The following HMBOX1 variants were observed in gnomAD, a reference collection of about 807,000 sequenced individuals.
HMBOX1 encodes the protein homeobox containing 1.
HMBOX1 carries 14 observed loss-of-function variants against 54.5 expected under a neutral mutation model. The observed-to-expected ratio is 0.26, with a 90% CI of 0.17 to 0.40. The LOEUF (loss-of-function observed/expected upper bound fraction) is 0.40. Among genes scored for constraint, HMBOX1 ranks in the 10% least tolerant of loss-of-function variants. The probability of loss-of-function intolerance (pLI) is 1.00; values close to 1 mark genes in which losing one functional copy is unlikely to be tolerated. For synonymous variants in HMBOX1, 160 were observed against 181.0 expected, an observed-to-expected ratio of 0.88 and a Z score of 0.93; for missense variants, 332 against 514.4, an observed-to-expected ratio of 0.65 and a Z score of 3.43.
chr8:28,939,409 C>T (rs1472130235), intron 1 of HMBOX1, among the ~76,000 whole-genome samples: 2 of 152,182 alleles, frequency 1.3e-5, no homozygotes, highest in Non-Finnish European at 2.9e-5. Context: ...TTTTCAGTCA[C>T]CCTCTAGTCC....
chr8:28,974,107 C>T (rs1161643043), intron 3 of HMBOX1, among the ~76,000 whole-genome samples: 1 of 152,058 alleles, frequency 6.6e-6, no homozygotes, highest in Non-Finnish European at 1.5e-5. Context: ...AGCCACTGTG[C>T]CCAGCTCATA....
At chr8:29,013,850 T>G (rs1172262836) in intron 5 of HMBOX1, among the ~76,000 whole-genome samples, 1 of 152,226 alleles carries the variant, frequency 6.6e-6, no homozygotes, top group Non-Finnish European at 1.5e-5. Flanking sequence ...AGACAGGGTT[T>G]GCTGAGTTCC....
In HMBOX1 at chr8:28,970,426, G is replaced by T. The variant is rs771420296; in HGVS notation, c.407G>T (p.Arg136Leu). Reference protein sequence around the residue: ...STSNGKMSPTRYHANSMGQRS... With the variant: ...STSNGKMSPTLYHANSMGQRS... Reference sequence around the variant, plus strand: ...TCCAATGGAAAGATGTCACCAACTCGCTACCATGCAAACAGCATGGGTCAG... The same window carrying T: ...TCCAATGGAAAGATGTCACCAACTCTCTACCATGCAAACAGCATGGGTCAG... The change falls in exon 3 of 10, where the codon CGC (arginine) becomes CTC (leucine). Residue 136 changes from arginine (R) to leucine (L), a missense_variant. Arg to Leu is a moderately radical substitution (Grantham distance 102). This residue lies in a region of HMBOX1 where 146 missense variants were observed against 173.3 expected (regional missense o/e 0.84). Transcript: ENST00000287701. This position sits in a 1 kb window ranked among gnomAD's most constrained non-coding sequence, Gnocchi z 4.3. 6.2e-7 allele frequency: 1 copy of T among 1,614,050 alleles called. No homozygotes were observed. Among genetic ancestry groups the T allele is most frequent in the South Asian group, 1.1e-5 (1 of 91,078 alleles).
chr8:28,992,239 A>G (rs575471898), intron 4 of HMBOX1, among the ~76,000 whole-genome samples: 1 of 152,372 alleles, frequency 6.6e-6, no homozygotes, highest in Non-Finnish European at 1.5e-5. Flanking sequence ...CTTCTGGAAA[A>G]TGGAAAGAAT....
chr8:29,045,666 G>A (rs530239115), intron 7 of HMBOX1, among the ~76,000 whole-genome samples: 2 of 152,250 alleles, frequency 1.3e-5, no homozygotes, highest in African/African-American at 2.4e-5. Context: ...AGTTTTCAAG[G>A]AGTGACCCTA....
At position 28,910,876 on chromosome 8, in the gene HMBOX1, C is replaced by T. The variant is rs114588766; in HGVS notation, c.-58+20198C>T. 3.8e-3 allele frequency among the ~76,000 whole-genome samples: 583 copies of T among 152,230 alleles called. 2 individuals are homozygous for T. The highest frequency in any genetic ancestry group is 0.013 in the African/African-American group (551 of 41,542). ...GAACCTTTCAATTCTTCTTAAAATT[C>T]ATGCTCATTTTAAAGAATCACAGAG... On this transcript the variant is annotated intron_variant, in intron 1 of 9. Coordinates refer to ENST00000287701, the MANE Select transcript of HMBOX1 (RefSeq NM_001135726.3).
chr8:29,011,286 C>CT (rs1350750339), intron 5 of HMBOX1, among the ~76,000 whole-genome samples: 1 of 152,154 alleles, frequency 6.6e-6, no homozygotes, highest in Non-Finnish European at 1.5e-5. Flanking sequence ...ATTAAGAGGC[C>CT]TGTCAGCATT....
intron 3 of HMBOX1, 34 bp from the exon 4 acceptor site, chr8:28,980,037 A>G: frequency 2.1e-6 from 3 of 1,457,778 alleles, no homozygotes; most frequent in East Asian, 4.5e-5. Context: ...TACCTTCAAC[A>G]TACATTGTTG....
chr8:28,973,840 A>C (rs1404482970), intron 3 of HMBOX1, among the ~76,000 whole-genome samples: 1 of 71,300 alleles, frequency 1.4e-5, no homozygotes, highest in Non-Finnish European at 2.6e-5. Context: ...TTTTTGAGAC[A>C]GTCTCGCTCT....
chr8:28,969,518 G>A (rs974174971), intron 2 of HMBOX1, among the ~76,000 whole-genome samples: 5 of 143,828 alleles, frequency 3.5e-5, no homozygotes, highest in South Asian at 2.2e-4. Context: ...CTGGTTATTA[G>A]CATTTGCTTG....
chr8:28,897,364 T>C (rs1812350448), intron 1 of HMBOX1, among the ~76,000 whole-genome samples: 1 of 152,102 alleles, frequency 6.6e-6, no homozygotes, highest in Non-Finnish European at 1.5e-5. Flanking sequence ...ATTGAAATTG[T>C]CCACAAATAA....
intron 1 of HMBOX1, among the ~76,000 whole-genome samples, chr8:28,917,022 A>G (rs1360179113): frequency 1.3e-5 from 2 of 151,016 alleles, no homozygotes; most frequent in South Asian, 2.1e-4. Flanking sequence ...AGCAGAGATC[A>G]TATCACTGCA....
At chr8:29,038,867 A>G (rs1431323337) in intron 6 of HMBOX1, among the ~76,000 whole-genome samples, 1 of 152,202 alleles carries the variant, frequency 6.6e-6, no homozygotes, top group African/African-American at 2.4e-5. Context: ...CATACCCTTT[A>G]AAATCTGGAC....
intron 6 of HMBOX1, among the ~76,000 whole-genome samples, chr8:29,039,877 C>A (rs1478056585): frequency 6.6e-6 from 1 of 152,106 alleles, no homozygotes; most frequent in Non-Finnish European, 1.5e-5. Context: ...TGTTAATAAT[C>A]CAAGATAACA....
At chr8:29,025,473 GTTA>G (rs34823792) in intron 6 of HMBOX1, among the ~76,000 whole-genome samples, 4,528 of 152,306 alleles carry the variant, frequency 0.03, 240 homozygotes, top group African/African-American at 0.1. Context: ...AGTGGAGATG[GTTA>G]TTATGAGAAG....
At chr8:28,953,485 C>T (rs1397711112) in intron 1 of HMBOX1, among the ~76,000 whole-genome samples, 2 of 152,118 alleles carry the variant, frequency 1.3e-5, no homozygotes, top group African/African-American at 2.4e-5. Flanking sequence ...ACTTTAACTT[C>T]TCGATGAGTC....
At chr8:28,974,242 A>AT (rs1385207638) in intron 3 of HMBOX1, among the ~76,000 whole-genome samples, 1 of 152,204 alleles carries the variant, frequency 6.6e-6, no homozygotes, top group East Asian at 1.9e-4. Context: ...AAAAAGGTAA[A>AT]TTACGATATG....
intron 2 of HMBOX1, among the ~76,000 whole-genome samples, chr8:28,965,534 C>T (rs4732894): frequency 0.6 from 90,925 of 151,930 alleles, 27,801 homozygotes; most frequent in Admixed American, 0.69. Flanking sequence ...TGAAAGGAGG[C>T]CTCTGTGTTC....
chr8:29,040,601 A>G (rs990733758), intron 6 of HMBOX1, among the ~76,000 whole-genome samples: 5 of 152,218 alleles, frequency 3.3e-5, no homozygotes, highest in Middle Eastern at 3.2e-3. Flanking sequence ...ACCTCCAGCT[A>G]GAGTAGCATG....
Sources: gnomAD v4.1 joint callset for allele counts (sites outside exome capture counted in the v4.1 genomes callset) on GRCh38, gnomAD v4.1.1 for gene constraint, gnomAD v4.1.1 regional missense constraint, Gnocchi (gnomAD v3.1) non-coding constraint, MANE v1.5 for transcripts, NCBI Gene and HGNC (gene_info 2026-07-23, HGNC 2026-07-21) for gene names.